Variants in GABRG3 observed in about 807,000 individuals in gnomAD.
GABRG3 encodes gamma-aminobutyric acid type A receptor subunit gamma3, also known as gamma-aminobutyric acid receptor subunit gamma-3.
GABRG3 carries 25 observed loss-of-function variants against 48.8 expected under a neutral mutation model. The ratio of observed to expected loss-of-function variants is 0.51; its 90% confidence interval spans 0.37 to 0.72. GABRG3 has a LOEUF of 0.72. GABRG3 is among the 30% of genes least tolerant of loss of function. The probability of loss-of-function intolerance (pLI) is 0.00; values close to 1 mark genes in which losing one functional copy is unlikely to be tolerated. For missense variants in GABRG3, 394 were observed against 577.9 expected (o/e 0.68, Z 3.26); for synonymous variants, 227 against 217.6 (o/e 1.04, Z -0.38).
At chr15:27,056,098 C>G (rs982541029) in intron 3 of GABRG3, among the ~76,000 whole-genome samples, 17 of 151,922 alleles carry the variant, frequency 1.1e-4, no homozygotes, top group Non-Finnish European at 4.4e-5. Context: ...GCCTGTAATC[C>G]TAGCACTTTG....
intron 3 of GABRG3, among the ~76,000 whole-genome samples, chr15:27,300,059 G>A (rs1401817180): frequency 6.6e-6 from 1 of 152,112 alleles, no homozygotes; most frequent in Non-Finnish European, 1.5e-5. Flanking sequence ...GAATAAATCT[G>A]AGGAGCACAC....
chr15:27,023,422 T>C (rs1895932014), intron 2 of GABRG3, among the ~76,000 whole-genome samples: 1 of 151,458 alleles, frequency 6.6e-6, no homozygotes, highest in Non-Finnish European at 1.5e-5. Flanking sequence ...CCAGAACTCT[T>C]TTCATCTTGC....
At chr15:26,971,697 G>T (rs1399997595) in intron 1 of GABRG3, 109 bp downstream of exon 1, 9 of 1,265,860 alleles carry the variant, frequency 7.1e-6, no homozygotes, top group Non-Finnish European at 9.3e-6. Flanking sequence ...CTGGGCTGCG[G>T]CACGGCGGGC....
At chr15:27,155,700 G>A (rs1161545365) in intron 3 of GABRG3, among the ~76,000 whole-genome samples, 1 of 152,080 alleles carries the variant, frequency 6.6e-6, no homozygotes, top group East Asian at 1.9e-4. Context: ...TGCTGGATAG[G>A]GAGGGAGTTC....
At chr15:27,139,020 T>C (rs191662341) in intron 3 of GABRG3, among the ~76,000 whole-genome samples, 16 of 151,768 alleles carry the variant, frequency 1.1e-4, no homozygotes, top group African/African-American at 2.7e-4. Flanking sequence ...GATAGATAGA[T>C]AGACAGACAG....
At chr15:27,322,426 G>A (rs1595676390) in intron 3 of GABRG3, among the ~76,000 whole-genome samples, 2 of 152,276 alleles carry the variant, frequency 1.3e-5, no homozygotes, top group Non-Finnish European at 2.9e-5. Flanking sequence ...AATACTTCAT[G>A]CAAAATTCAG....
chr15:27,473,108 T>C (rs141519796), intron 5 of GABRG3, among the ~76,000 whole-genome samples: 2 of 152,342 alleles, frequency 1.3e-5, no homozygotes, highest in African/African-American at 2.4e-5. Flanking sequence ...TTGTATATCA[T>C]TGTAATACTC....
At chr15:27,463,045 A>G (rs1449171982) in intron 5 of GABRG3, among the ~76,000 whole-genome samples, 1 of 152,186 alleles carries the variant, frequency 6.6e-6, no homozygotes, top group Non-Finnish European at 1.5e-5. Flanking sequence ...TACAGATGAT[A>G]TGATCAGATA....
At chr15:27,475,045 G>A (rs570243578) in intron 5 of GABRG3, among the ~76,000 whole-genome samples, 48 of 152,218 alleles carry the variant, frequency 3.2e-4, no homozygotes, top group Non-Finnish European at 5.7e-4. Context: ...CAGGAGAATC[G>A]CTTGAACCTG....
At chr15:27,053,770 C>T (rs1896493286) in intron 3 of GABRG3, among the ~76,000 whole-genome samples, 1 of 152,186 alleles carries the variant, frequency 6.6e-6, no homozygotes, top group Admixed American at 6.5e-5. Context: ...TAAATATACA[C>T]CGTGAAATAC....
chr15:27,201,363 TGTGTGTGTGA>T (rs983115274), intron 3 of GABRG3, among the ~76,000 whole-genome samples: 4 of 149,056 alleles, frequency 2.7e-5, no homozygotes, highest in African/African-American at 1.0e-4. Context: ...CGTGTGTGTG[TGTGTGTGTGA>T]GAGAGAAAGA....
intron 3 of GABRG3, among the ~76,000 whole-genome samples, chr15:27,051,662 A>G (rs926189100): frequency 5.9e-5 from 9 of 152,256 alleles, no homozygotes; most frequent in African/African-American, 2.2e-4. Flanking sequence ...GACCGGTTTC[A>G]TGGAAGACAG....
At chr15:27,321,627 T>G (rs1893429290) in intron 3 of GABRG3, among the ~76,000 whole-genome samples, 1 of 152,236 alleles carries the variant, frequency 6.6e-6, no homozygotes, top group Non-Finnish European at 1.5e-5. Context: ...GCCAGTGGCT[T>G]CTTTTCCTGA....
intron 3 of GABRG3, among the ~76,000 whole-genome samples, chr15:27,298,885 T>A (rs1041109745): frequency 3.9e-5 from 6 of 151,960 alleles, no homozygotes; most frequent in Middle Eastern, 3.4e-3. Context: ...ATAATTAATA[T>A]GTTCAAGATC....
At chr15:27,391,908 C>T (rs1252122519) in intron 5 of GABRG3, among the ~76,000 whole-genome samples, 6 of 152,202 alleles carry the variant, frequency 3.9e-5, no homozygotes, top group South Asian at 2.1e-4. Context: ...ACACTGTCCA[C>T]GCATTTACTA....
intron 3 of GABRG3, among the ~76,000 whole-genome samples, chr15:27,109,244 C>T (rs1897502539): frequency 6.6e-6 from 1 of 152,102 alleles, no homozygotes; most frequent in Non-Finnish European, 1.5e-5. Flanking sequence ...ACAGAGAGTT[C>T]CCATAGAGTC....
chr15:27,371,450 T>C (rs1442041735), intron 5 of GABRG3, among the ~76,000 whole-genome samples: 1 of 152,228 alleles, frequency 6.6e-6, no homozygotes, highest in African/African-American at 2.4e-5. Context: ...CAGGAATCTA[T>C]TTTGATAGAA....
intron 6 of GABRG3, among the ~76,000 whole-genome samples, chr15:27,499,034 T>A (rs986292281): frequency 1.3e-5 from 2 of 152,176 alleles, no homozygotes; most frequent in African/African-American, 4.8e-5. Context: ...CATCAGTACT[T>A]TCTCACGGAG....
At chr15:27,498,200 C>T (rs1176843450) in intron 6 of GABRG3, among the ~76,000 whole-genome samples, 1 of 152,050 alleles carries the variant, frequency 6.6e-6, no homozygotes, top group Non-Finnish European at 1.5e-5. Flanking sequence ...TTCCTTCCCT[C>T]CACCACCTGG....
Sources: allele counts gnomAD v4.1 joint callset (sites outside exome capture counted in the v4.1 genomes callset), GRCh38; gene constraint gnomAD v4.1.1; transcripts MANE v1.5; gene names NCBI Gene and HGNC (gene_info 2026-07-23, HGNC 2026-07-21).